ADAM10: variants seen among roughly 807,000 people sequenced by gnomAD.
ADAM10 encodes disintegrin and metalloproteinase domain-containing protein 10.
A neutral mutation model predicts 90.1 loss-of-function variants in ADAM10; 17 were observed. The ratio of observed to expected loss-of-function variants is 0.19; its 90% CI spans 0.13 to 0.28. The LOEUF is 0.28. Ranked by LOEUF, ADAM10 falls within the 10% of genes least tolerant of loss-of-function variation. The probability of loss-of-function intolerance (pLI) is 1.00; values close to 1 mark genes in which losing one functional copy is unlikely to be tolerated. For synonymous variants in ADAM10, 310 were observed against 298.6 expected, an observed-to-expected ratio of 1.04 and a Z score of -0.40; for missense variants, 610 against 914.3, an observed-to-expected ratio of 0.67 and a Z score of 4.29.
At chr15:58,638,468 A>C (rs755737726) in intron 8 of ADAM10, among the ~76,000 whole-genome samples, 1 of 152,100 alleles carries the variant, frequency 6.6e-6, no homozygotes, top group African/African-American at 2.4e-5. Flanking sequence ...ATAAAAAATT[A>C]GCCACGCATG....
At chr15:58,657,146 A>G (rs1443531110) in intron 5 of ADAM10, among the ~76,000 whole-genome samples, 1 of 151,732 alleles carries the variant, frequency 6.6e-6, no homozygotes, top group Non-Finnish European at 1.5e-5. Context: ...TGCTGGTTTG[A>G]TTATTAAATG....
chr15:58,599,837 G>C, intron 14 of ADAM10, 113 bp from the exon 15 acceptor site: 1 of 1,107,876 alleles, frequency 9.0e-7, no homozygotes, highest in Non-Finnish European at 1.3e-6. Context: ...AATTTTTAAA[G>C]AACATTTGTT....
At chr15:58,722,904 G>T (rs1898904483) in intron 1 of ADAM10, among the ~76,000 whole-genome samples, 1 of 151,684 alleles carries the variant, frequency 6.6e-6, no homozygotes, top group African/African-American at 2.4e-5. Context: ...GCTAACTTTT[G>T]TATTTCTTGT....
intron 2 of ADAM10, among the ~76,000 whole-genome samples, chr15:58,702,388 T>C (rs187363341): frequency 2.0e-5 from 3 of 152,166 alleles, no homozygotes; most frequent in Non-Finnish European, 4.4e-5. Context: ...AAATGTTTGA[T>C]AGCAGAGTAG....
chr15:58,719,228 G>A (rs1301713967), intron 1 of ADAM10, among the ~76,000 whole-genome samples: 1 of 152,070 alleles, frequency 6.6e-6, no homozygotes, highest in African/African-American at 2.4e-5. Flanking sequence ...GGAGGCTGAG[G>A]CAGGAGAATC....
chr15:58,605,900 T>A (rs1235667751), intron 14 of ADAM10, among the ~76,000 whole-genome samples: 1 of 152,074 alleles, frequency 6.6e-6, no homozygotes, highest in Non-Finnish European at 1.5e-5. Context: ...AATTTGATAA[T>A]CTAAATATAA....
At chr15:58,742,106 T>C (rs1899633849) in intron 1 of ADAM10, among the ~76,000 whole-genome samples, 1 of 152,234 alleles carries the variant, frequency 6.6e-6, no homozygotes, top group African/African-American at 2.4e-5. Context: ...ACAAACTCAG[T>C]ATTTTTTACT....
At chr15:58,729,337 C>T (rs1420480939) in intron 1 of ADAM10, among the ~76,000 whole-genome samples, 1 of 152,104 alleles carries the variant, frequency 6.6e-6, no homozygotes, top group East Asian at 1.9e-4. Flanking sequence ...AATCTTGTTC[C>T]GTATCTAGCA....
At chr15:58,686,474 G>A (rs1897606568) in intron 2 of ADAM10, 3 of 1,393,836 alleles carry the variant, frequency 2.2e-6, no homozygotes, top group Non-Finnish European at 3.0e-6. Context: ...GTTGGAGGCT[G>A]GCGTGGAGAG....
chr15:58,712,665 C>CA (rs373223375), intron 2 of ADAM10, among the ~76,000 whole-genome samples: 43,115 of 143,328 alleles, frequency 0.3, 6,993 homozygotes, highest in Non-Finnish European at 0.4. Flanking sequence ...TAAAAAATAC[C>CA]AAAAAAAAAA....
At chr15:58,749,454 C>G (rs1042188426) in intron 1 of ADAM10, 26 bp downstream of exon 1, 1 of 1,526,152 alleles carries the variant, frequency 6.6e-7, no homozygotes, top group Admixed American at 2.0e-5. Flanking sequence ...GTCGCGGCGC[C>G]CCCGGCGCTC....
intron 2 of ADAM10, among the ~76,000 whole-genome samples, chr15:58,711,485 A>G (rs190399434): frequency 6.6e-6 from 1 of 152,290 alleles, no homozygotes; most frequent in East Asian, 1.9e-4. Context: ...AGGAAAGTCA[A>G]TTAGTCTGAA....
intron 10 of ADAM10, among the ~76,000 whole-genome samples, 198 bp downstream of exon 10, chr15:58,627,502 G>A (rs1895982236): frequency 6.6e-6 from 1 of 152,116 alleles, no homozygotes; most frequent in African/African-American, 2.4e-5. Context: ...ACTGATGGCT[G>A]CAACTTACTT....
chr15:58,620,658 G>GT lies in ADAM10; in HGVS notation c.1511+812dup, dbSNP rs1365262711. Among the ~76,000 whole-genome samples the GT allele has an allele frequency of 1.3e-3, 67 of 51,622 alleles. 12 individuals are homozygous for GT. The highest frequency in any genetic ancestry group is 0.011 in the Middle Eastern group (1 of 90). The allele number at this position is 51,622 out of a possible 152,430, so 33.9% of individuals were successfully genotyped here. A position where few individuals can be genotyped will look rare whatever the true frequency, so the allele number is the denominator to read the frequency against. On this transcript the variant is annotated intron_variant, in intron 11 of 15. Coordinates refer to ENST00000260408, the MANE Select transcript of ADAM10 (RefSeq NM_001110.4). ...TTCACAATAAGTAACTAAAGAATATGTATTTTTTTTTTTTTTTTTTTGAGA... is the reference window on the plus strand; with the variant it reads ...TTCACAATAAGTAACTAAAGAATATGTTATTTTTTTTTTTTTTTTTTTGAGA...
intron 5 of ADAM10, 28 bp downstream of exon 5, chr15:58,665,068 TA>T: frequency 6.7e-7 from 1 of 1,488,326 alleles, no homozygotes. Context: ...TTCCATTTCC[TA>T]AATGCAAGCT....
At chr15:58,630,406 T>C (rs1896071387) in intron 9 of ADAM10, among the ~76,000 whole-genome samples, 1 of 152,188 alleles carries the variant, frequency 6.6e-6, no homozygotes, top group Non-Finnish European at 1.5e-5. Flanking sequence ...ACTAGAAATA[T>C]ACTTAAACCC....
chr15:58,682,188 C>T lies in ADAM10; in HGVS notation c.325+8G>A. ...GGAAGAAAAGGGTTCTGTTAAGGTC[C>T]AACTTACCATAAATATGTCCAGTGT... is the stretch of plus-strand genomic sequence containing the variant. On this transcript the variant is annotated splice_region_variant and intron_variant, in intron 3 of 15. Transcript: ENST00000260408. 2 of 1,611,000 alleles carry T rather than the reference C, an allele frequency of 1.2e-6. No homozygotes were observed. The highest frequency in any genetic ancestry group is 1.7e-6 in the Non-Finnish European group (2 of 1,178,624).
At chr15:58,664,003 G>C (rs533955861) in intron 5 of ADAM10, among the ~76,000 whole-genome samples, 1 of 151,984 alleles carries the variant, frequency 6.6e-6, no homozygotes, top group Non-Finnish European at 1.5e-5. Flanking sequence ...CTTCTCAACT[G>C]AATAACTACA....
chr15:58,640,379 G>A (rs1350472892), intron 8 of ADAM10, among the ~76,000 whole-genome samples: 2 of 152,138 alleles, frequency 1.3e-5, no homozygotes, highest in Non-Finnish European at 2.9e-5. Flanking sequence ...CACTACAGAA[G>A]AGAGAGCAAG....
Sources: allele counts gnomAD v4.1 joint callset (sites outside exome capture counted in the v4.1 genomes callset), GRCh38; gene constraint gnomAD v4.1.1; transcripts MANE v1.5; gene names NCBI Gene and HGNC (gene_info 2026-07-23, HGNC 2026-07-21).